Variants in SNAP23 observed in about 807,000 individuals in gnomAD.
SNAP23 encodes synaptosome associated protein 23.
SNAP23 carries 11 observed loss-of-function variants against 29.0 expected under a neutral mutation model. That is an observed-to-expected ratio of 0.38 (90% CI 0.24 to 0.63). The LOEUF is 0.63. Ranked by LOEUF, SNAP23 falls within the 20% of genes least tolerant of loss-of-function variation. The pLI is 0.58. For missense variants in SNAP23, 220 were observed against 253.9 expected, an observed-to-expected ratio of 0.87 and a Z score of 0.91; for synonymous variants, 60 against 82.9, an observed-to-expected ratio of 0.72 and a Z score of 1.50.
chr15:42,494,097 T>G (rs1305643454), upstream of SNAP23, among the ~76,000 whole-genome samples: 2 of 152,076 alleles, frequency 1.3e-5, no homozygotes, highest in African/African-American at 4.8e-5. Flanking sequence ...CTCAAGTTTC[T>G]CCTGTCTTAA....
Position 42,515,226 on chromosome 15 carries a change from C to T in SNAP23, c.149-11C>T. 6.5e-7 allele frequency: 1 copy of T among 1,541,548 alleles called. No individual in the cohort carries two copies. Among genetic ancestry groups the T allele is most frequent in the South Asian group, 1.2e-5 (1 of 85,556 alleles). The stretch of plus-strand genomic sequence containing the variant: ...GGAACACAAAGTGTTAACTTCACAA[C>T]TTATTCTTAGAACAACTAAACCGCA... On this transcript the variant is annotated splice_polypyrimidine_tract_variant and intron_variant, in intron 4 of 7. Coordinates refer to ENST00000249647, the MANE Select transcript of SNAP23 (RefSeq NM_003825.4).
At chr15:42,520,045 CTTTTTTTTTT>C (rs201577060) in intron 5 of SNAP23, among the ~76,000 whole-genome samples, 15,981 of 93,600 alleles carry the variant, frequency 0.17, 1,108 homozygotes, top group Middle Eastern at 0.21. Flanking sequence ...AACCCCCTTG[CTTTTTTTTTT>C]TTTTTTTTTT....
At chr15:42,527,143 C>G (rs888104203) in intron 5 of SNAP23, among the ~76,000 whole-genome samples, 1 of 152,022 alleles carries the variant, frequency 6.6e-6, no homozygotes, top group African/African-American at 2.4e-5. Flanking sequence ...CGGCCTTGAT[C>G]GTTTTTTTAA....
chr15:42,517,144 T>G (rs1187787879), intron 5 of SNAP23, among the ~76,000 whole-genome samples: 1 of 152,196 alleles, frequency 6.6e-6, no homozygotes, highest in Non-Finnish European at 1.5e-5. Context: ...GGTCTCAAAC[T>G]CCTAACCTCA....
At chr15:42,510,100 G>T (rs1207136286) in intron 1 of SNAP23, among the ~76,000 whole-genome samples, 2 of 151,910 alleles carry the variant, frequency 1.3e-5, no homozygotes, top group Non-Finnish European at 2.9e-5. Context: ...TGATAGTAGT[G>T]GTTCAATTAA....
At chr15:42,528,209 A>G in intron 5 of SNAP23, 53 bp from the exon 6 acceptor site, 5 of 1,520,282 alleles carry the variant, frequency 3.3e-6, no homozygotes, top group Non-Finnish European at 3.6e-6. Flanking sequence ...AATAATTAGA[A>G]CTCTCCGTCT....
chr15:42,512,916 A>T (rs1179600850), intron 2 of SNAP23, 39 bp from the exon 3 acceptor site: 4 of 1,518,234 alleles, frequency 2.6e-6, no homozygotes, highest in Admixed American at 3.5e-5. Context: ...TTTTTTTTCT[A>T]CATATTTTGG....
At chr15:42,502,775 A>ACATAACCG (rs2057284635) in intron 1 of SNAP23, among the ~76,000 whole-genome samples, 2 of 152,092 alleles carry the variant, frequency 1.3e-5, no homozygotes, top group African/African-American at 4.8e-5. Flanking sequence ...TCACATAACC[A>ACATAACCG]TTCTCATTGA....
chr15:42,514,134 GT>G lies in SNAP23; in HGVS notation c.148+694del, dbSNP rs529397532. On this transcript the variant is annotated intron_variant, in intron 4 of 7. Coordinates refer to ENST00000249647, the MANE Select transcript of SNAP23 (RefSeq NM_003825.4). Reference sequence around the variant, plus strand: ...CGGGCCTTTTGTTTTGTTTTGTTTTGTTTTTTTAATTTTTATTTTTTGAGTC... The same window carrying G: ...CGGGCCTTTTGTTTTGTTTTGTTTTGTTTTTTAATTTTTATTTTTTGAGTC... 3.7e-3 allele frequency among the ~76,000 whole-genome samples: 454 copies of G among 124,086 alleles called. 2 individuals carry two copies. Among genetic ancestry groups the G allele is most frequent in the African/African-American group, 6.8e-3 (216 of 31,856 alleles). The allele number at this position is 124,086 out of a possible 152,430, so 81.4% of individuals were successfully genotyped here.
At chr15:42,517,903 G>T (rs2057410321) in intron 5 of SNAP23, among the ~76,000 whole-genome samples, 1 of 151,984 alleles carries the variant, frequency 6.6e-6, no homozygotes, top group African/African-American at 2.4e-5. Flanking sequence ...GTAGAGACAG[G>T]GGTCTTGCTA....
intron 5 of SNAP23, among the ~76,000 whole-genome samples, chr15:42,518,130 G>A (rs534577414): frequency 6.6e-6 from 1 of 152,180 alleles, no homozygotes. Flanking sequence ...ATGTCTGATT[G>A]TAATTGTCTT....
chr15:42,529,973 C>G lies in SNAP23; in HGVS notation c.570+154C>G, dbSNP rs1055665774. On this transcript the variant is annotated intron_variant, in intron 7 of 7. Coordinates refer to ENST00000249647, the MANE Select transcript of SNAP23 (RefSeq NM_003825.4). ...GAGGTGGTGGTTCTAACACATAAAA[C>G]AAGAGCCAAGTCCTCCCTGTCATGG... Among the ~76,000 whole-genome samples the G allele has an allele frequency of 3.3e-5, 5 of 152,286 alleles. No individual in the cohort carries two copies. The South Asian group carries it at 1.0e-3, about 32-fold the overall frequency.
At chr15:42,518,495 G>T (rs541702704) in intron 5 of SNAP23, among the ~76,000 whole-genome samples, 1 of 150,398 alleles carries the variant, frequency 6.6e-6, no homozygotes, top group East Asian at 2.0e-4. Context: ...GAGTGCAGTG[G>T]CAGTCATGGC....
At chr15:42,502,519 C>CTAAATAAA (rs74278905) in intron 1 of SNAP23, among the ~76,000 whole-genome samples, 17,059 of 151,598 alleles carry the variant, frequency 0.11, 1,072 homozygotes, top group Non-Finnish European at 0.15. Flanking sequence ...CTATATCTAC[C>CTAAATAAA]TAAATAAATA....
chr15:42,506,536 C>T (rs530671812), intron 1 of SNAP23, among the ~76,000 whole-genome samples: 1 of 152,306 alleles, frequency 6.6e-6, no homozygotes, highest in Admixed American at 6.5e-5. Context: ...CTGTGCCTAG[C>T]CAATAGACTT....
In SNAP23 at chr15:42,519,416, G is replaced by A. The variant is rs528886236; in HGVS notation, c.266+4062G>A. 3.3e-5 allele frequency among the ~76,000 whole-genome samples: 5 copies of A among 149,716 alleles called. No homozygotes were observed. In the South Asian group the frequency reaches 1.1e-3, roughly 31 times the overall value. On this transcript the variant is annotated intron_variant, in intron 5 of 7. Coordinates refer to ENST00000249647, the MANE Select transcript of SNAP23 (RefSeq NM_003825.4). ...AGACAGAGTTTTACGTTGTCACCCA[G>A]ACTGGAGTGCAGTGGTACAATCTCG...
chr15:42,503,551 G>C (rs542540705), intron 1 of SNAP23, among the ~76,000 whole-genome samples: 1 of 152,156 alleles, frequency 6.6e-6, no homozygotes, highest in South Asian at 2.1e-4. Context: ...TGTATTTTTA[G>C]TAGAGACGGG....
chr15:42,521,575 C>G (rs1378507434), intron 5 of SNAP23: 3 of 1,529,974 alleles, frequency 2.0e-6, no homozygotes, highest in Non-Finnish European at 2.6e-6. Flanking sequence ...ATTCTCTCAC[C>G]TAATCTCTTC....
chr15:42,501,811 C>G (rs961713756), intron 1 of SNAP23, among the ~76,000 whole-genome samples: 49 of 152,142 alleles, frequency 3.2e-4, no homozygotes, highest in African/African-American at 1.2e-3. Context: ...CTTGAATTAG[C>G]TCAATCCATG....
Sources: gnomAD v4.1 joint callset for allele counts (sites outside exome capture counted in the v4.1 genomes callset) on GRCh38, gnomAD v4.1.1 for gene constraint, MANE v1.5 for transcripts, NCBI Gene and HGNC (gene_info 2026-07-23, HGNC 2026-07-21) for gene names.